TAMM41: variants seen among roughly 807,000 people sequenced by gnomAD.
TAMM41 encodes TAM41 mitochondrial translocator assembly and maintenance homolog.
Under a neutral mutation model 44.1 loss-of-function variants are expected in TAMM41, and 36 were observed. That is an observed-to-expected ratio of 0.82 (90% CI 0.63 to 1.08). The LOEUF (loss-of-function observed/expected upper bound fraction) is 1.08. TAMM41 is among the 50% of genes least tolerant of loss of function. The pLI is 0.00. For missense variants in TAMM41, 417 were observed against 404.3 expected, an observed-to-expected ratio of 1.03 and a Z score of -0.27; for synonymous variants, 164 against 153.1, an observed-to-expected ratio of 1.07 and a Z score of -0.53.
chr3:11,825,433 C>T (rs1302621167), intron 4 of TAMM41, among the ~76,000 whole-genome samples: 4 of 152,180 alleles, frequency 2.6e-5, no homozygotes. Context: ...TACAACCACA[C>T]TGCTTGTAAG....
chr3:11,743,660 C>G, the TAMM41 span, among the ~76,000 whole-genome samples: 1 of 152,118 alleles, frequency 6.6e-6, no homozygotes, highest in Admixed American at 6.6e-5. Flanking sequence ...AATTTATTTT[C>G]TGCTTATATA....
At chr3:11,828,365 A>G (rs1270292624) in intron 4 of TAMM41, among the ~76,000 whole-genome samples, 2 of 152,224 alleles carry the variant, frequency 1.3e-5, no homozygotes, top group Non-Finnish European at 2.9e-5. Flanking sequence ...CCTTAGTAAT[A>G]TTCAGAATTT....
rs143027529 is a variant in TAMM41, at chr3:11,806,223, C to T, written c.937+1610G>A. ...CAGCGTTGTGTTCACTTTTGTATCC[C>T]GAGCAGCTGGCACATGAGAGATGCT... On this transcript the variant is annotated intron_variant, in intron 7 of 7. Coordinates refer to ENST00000455809, the MANE Select transcript of TAMM41 (RefSeq NM_001284401.2). 2.8e-3 allele frequency among the ~76,000 whole-genome samples: 432 copies of T among 152,240 alleles called. 1 individual carries two copies. The highest frequency in any genetic ancestry group is 0.024 in the Middle Eastern group (7 of 294).
intron 7 of TAMM41, among the ~76,000 whole-genome samples, chr3:11,800,444 T>C (rs2077720093): frequency 1.3e-5 from 2 of 149,472 alleles, no homozygotes; most frequent in South Asian, 2.1e-4. Context: ...AAGACACAAA[T>C]AGACTGAAAG....
the TAMM41 span, among the ~76,000 whole-genome samples, chr3:11,731,115 T>G: frequency 2.0e-4 from 31 of 152,264 alleles, no homozygotes; most frequent in Middle Eastern, 3.4e-3. Context: ...CCCTACTGCA[T>G]GTAGTGCTGC....
At chr3:11,760,939 G>A in the TAMM41 span, among the ~76,000 whole-genome samples, 2 of 151,942 alleles carry the variant, frequency 1.3e-5, no homozygotes, top group African/African-American at 4.8e-5. Flanking sequence ...GGCCGAGGTG[G>A]GCAGATCATG....
chr3:11,773,206 C>T, the TAMM41 span, among the ~76,000 whole-genome samples: 4 of 152,010 alleles, frequency 2.6e-5, no homozygotes. Flanking sequence ...ATTCACCTGC[C>T]TCAGCTTCCC....
chr3:11,807,056 C>T, intron 7 of TAMM41: 1 of 555,570 alleles, frequency 1.8e-6, no homozygotes, highest in Non-Finnish European at 2.3e-6. Flanking sequence ...CTTCCATGTT[C>T]CCCTTCTCAG....
At chr3:11,760,490 T>C in the TAMM41 span, among the ~76,000 whole-genome samples, 3 of 152,216 alleles carry the variant, frequency 2.0e-5, no homozygotes, top group Non-Finnish European at 2.9e-5. Flanking sequence ...ATAAAAGAAA[T>C]GGATGATGAT....
chr3:11,844,927 G>A (rs1341510709), intron 1 of TAMM41: 4 of 456,582 alleles, frequency 8.8e-6, no homozygotes, highest in African/African-American at 4.0e-5. Flanking sequence ...GGGCACAGGA[G>A]GGAGAAATTC....
At chr3:11,844,736 T>A (rs1034361945) in intron 1 of TAMM41, among the ~76,000 whole-genome samples, 1 of 152,224 alleles carries the variant, frequency 6.6e-6, no homozygotes, top group East Asian at 1.9e-4. Context: ...AAGTCAGTTA[T>A]TTTATCTCTT....
chr3:11,764,486 CTTTTTTTTTT>C, the TAMM41 span, among the ~76,000 whole-genome samples: 6 of 68,142 alleles, frequency 8.8e-5, no homozygotes, highest in South Asian at 1.0e-3. Context: ...TAATCTTATT[CTTTTTTTTTT>C]TTTTTTTTTT....
chr3:11,729,259 T>C, the TAMM41 span, among the ~76,000 whole-genome samples: 2 of 152,164 alleles, frequency 1.3e-5, no homozygotes, highest in Non-Finnish European at 2.9e-5. Context: ...ATTCTTGCTG[T>C]CTTTCCTATA....
the TAMM41 span, among the ~76,000 whole-genome samples, chr3:11,727,604 A>G: frequency 4.6e-5 from 7 of 152,080 alleles, no homozygotes; most frequent in African/African-American, 1.7e-4. Flanking sequence ...AGCTGAGACT[A>G]CAAGCATGTG....
At chr3:11,826,530 C>CAAAAAAAA (rs11388352) in intron 4 of TAMM41, among the ~76,000 whole-genome samples, 1 of 62,222 alleles carries the variant, frequency 1.6e-5, no homozygotes, top group Admixed American at 2.1e-4. Flanking sequence ...CCTTGTCTCT[C>CAAAAAAAA]AAAAAAAAAA....
intron 7 of TAMM41, among the ~76,000 whole-genome samples, chr3:11,806,598 A>G (rs1262930960): frequency 6.6e-6 from 1 of 152,168 alleles, no homozygotes; most frequent in Admixed American, 6.5e-5. Flanking sequence ...AAAGAAAACC[A>G]AAGACTAATC....
chr3:11,722,862 A>G, the TAMM41 span, among the ~76,000 whole-genome samples: 4 of 152,196 alleles, frequency 2.6e-5, no homozygotes, highest in African/African-American at 9.6e-5. Flanking sequence ...CCAGCTACTC[A>G]GCAGGCTGAG....
the TAMM41 span, among the ~76,000 whole-genome samples, chr3:11,750,107 A>G: frequency 6.6e-6 from 1 of 151,918 alleles, no homozygotes; most frequent in Non-Finnish European, 1.5e-5. Flanking sequence ...TGTGTTAGCC[A>G]GGATGGTCTC....
the TAMM41 span, among the ~76,000 whole-genome samples, chr3:11,778,775 T>G: frequency 6.6e-6 from 1 of 152,212 alleles, no homozygotes; most frequent in Admixed American, 6.5e-5. Flanking sequence ...TCGTGTTTAT[T>G]GGCCATTCGT....
Sources: allele counts gnomAD v4.1 joint callset (sites outside exome capture counted in the v4.1 genomes callset), GRCh38; gene constraint gnomAD v4.1.1; transcripts MANE v1.5; gene names NCBI Gene and HGNC (gene_info 2026-07-23, HGNC 2026-07-21).